The following NAPEPLD variants were observed in gnomAD, a reference collection of about 807,000 sequenced individuals.
NAPEPLD encodes N-acyl phosphatidylethanolamine phospholipase D, also known as N-acyl-phosphatidylethanolamine-hydrolyzing phospholipase D.
Under a neutral mutation model 38.1 loss-of-function variants are expected in NAPEPLD, and 23 were observed. The observed-to-expected ratio is 0.60, with a 90% confidence interval of 0.43 to 0.86. NAPEPLD has a LOEUF of 0.86. Ranked by LOEUF, NAPEPLD falls within the 40% of genes least tolerant of loss-of-function variation. The pLI is 0.00. For missense variants in NAPEPLD, 411 were observed against 476.8 expected (o/e 0.86, Z 1.28); for synonymous variants, 147 against 162.0 (o/e 0.91, Z 0.71).
At position 103,120,191 on chromosome 7, in the gene NAPEPLD, T is replaced by C. The variant is rs557330613; in HGVS notation, c.327A>G (p.Pro109=). The change falls in exon 3 of 5, where the codon CCA becomes CCG. Residue 109 remains proline, a synonymous_variant. Transcript: ENST00000465647. ...ELDKELPVLK[P]YFITNPEEAG... is the part of the protein sequence containing the mutation. Reference sequence around the variant, plus strand: ...CTTCTTCAGGGTTAGTGATAAAATATGGCTTAAGCACTGGGAGTTCTTTGT... The same window carrying C: ...CTTCTTCAGGGTTAGTGATAAAATACGGCTTAAGCACTGGGAGTTCTTTGT... The C allele has an allele frequency of 2.5e-6, 4 of 1,614,080 alleles. No homozygotes were observed. Among genetic ancestry groups the C allele is most frequent in the East Asian group, 2.2e-5 (1 of 44,890 alleles).
chr7:103,135,868 C>T (rs1307876976), intron 1 of NAPEPLD, among the ~76,000 whole-genome samples: 1 of 152,080 alleles, frequency 6.6e-6, no homozygotes, highest in Non-Finnish European at 1.5e-5. Context: ...CAGGGAGTAA[C>T]TCAGCCTCTC....
intron 1 of NAPEPLD, among the ~76,000 whole-genome samples, chr7:103,143,745 A>C (rs1306890191): frequency 6.6e-6 from 1 of 152,202 alleles, no homozygotes; most frequent in African/African-American, 2.4e-5. Context: ...TATTTGAGCA[A>C]TCTTTCAAAT....
At chr7:103,134,406 T>G (rs923896943) in intron 1 of NAPEPLD, among the ~76,000 whole-genome samples, 2 of 152,122 alleles carry the variant, frequency 1.3e-5, no homozygotes, top group African/African-American at 4.8e-5. Context: ...TCCCAGCACT[T>G]TGGCAGGCCG....
intron 1 of NAPEPLD, among the ~76,000 whole-genome samples, chr7:103,140,052 A>T (rs565893736): frequency 6.6e-6 from 1 of 152,372 alleles, no homozygotes; most frequent in South Asian, 2.1e-4. Context: ...CATTACCAGA[A>T]GATGGGGCAA....
At chr7:103,149,889 T>C (rs1813356735), upstream of NAPEPLD, among the ~76,000 whole-genome samples, 1 of 152,154 alleles carries the variant, frequency 6.6e-6, no homozygotes, top group Non-Finnish European at 1.5e-5. Context: ...GGCGCTAGGA[T>C]CCTGGTAGCG....
intron 1 of NAPEPLD, among the ~76,000 whole-genome samples, chr7:103,133,838 A>C (rs1041032661): frequency 6.6e-6 from 1 of 152,274 alleles, no homozygotes; most frequent in Non-Finnish European, 1.5e-5. Context: ...ATGAATACAC[A>C]AAAACTGTAA....
In NAPEPLD at chr7:103,119,715, C is replaced by T. The variant is rs1465291116; in HGVS notation, c.803G>A (p.Gly268Asp). 1.9e-6 allele frequency: 3 copies of T among 1,614,152 alleles called. No individual in the cohort carries two copies. The highest frequency in any genetic ancestry group is 2.5e-6 in the Non-Finnish European group (3 of 1,180,020). The change falls in exon 3 of 5, where the codon GGC becomes GAC. Residue 268 changes from glycine (G) to aspartate (D), a missense_variant. Transcript: ENST00000465647. ...TLMDDNKVLWGSWSVLGPWNR... is the reference protein window; with the variant it reads ...TLMDDNKVLWDSWSVLGPWNR... ...CCAAGGCCCCAAGACAGACCAGCTG[C>T]CCCATAGCACCTTGTTGTCATCCAT...
At chr7:103,136,391 G>C (rs561772782) in intron 1 of NAPEPLD, among the ~76,000 whole-genome samples, 2 of 144,760 alleles carry the variant, frequency 1.4e-5, no homozygotes, top group African/African-American at 5.0e-5. Context: ...GGCTAACATG[G>C]CAAAACCCTG....
chr7:103,131,906 G>T (rs1809023813), intron 1 of NAPEPLD, among the ~76,000 whole-genome samples: 1 of 152,148 alleles, frequency 6.6e-6, no homozygotes, highest in Admixed American at 6.5e-5. Flanking sequence ...ACGAGGTCAG[G>T]AGTTCGAGAC....
At position 103,138,736 on chromosome 7, in the gene NAPEPLD, C is replaced by T. The variant is rs182117058; in HGVS notation, c.-16-9944G>A. Among the ~76,000 whole-genome samples, 27 of 152,346 alleles carry T rather than the reference C, an allele frequency of 1.8e-4. No individual in the cohort carries two copies. In the East Asian group the frequency reaches 5.0e-3, roughly 28 times the overall value. ...CCACCCGCCTCGGCCTCCCAAAGTG[C>T]TGGGATTACAGGCGTGAGCCACCAC... is the stretch of plus-strand genomic sequence containing the variant. On this transcript the variant is annotated intron_variant, in intron 1 of 4. Transcript: ENST00000465647.
At chr7:103,109,145 C>G (rs746972313) in intron 4 of NAPEPLD, among the ~76,000 whole-genome samples, 1 of 152,128 alleles carries the variant, frequency 6.6e-6, no homozygotes, top group Non-Finnish European at 1.5e-5. Context: ...TAGTGGAAGA[C>G]TTTAACACCA....
At chr7:103,126,988 T>G (rs116317279) in intron 2 of NAPEPLD, 29 of 152,136 alleles carry the variant, frequency 1.9e-4, no homozygotes, top group African/African-American at 6.5e-4. Flanking sequence ...AGAGAATTGA[T>G]CCAGGAGGTC....
At chr7:103,129,146 T>C (rs996873015) in intron 1 of NAPEPLD, 2 of 209,574 alleles carry the variant, frequency 9.5e-6, no homozygotes, top group Non-Finnish European at 1.7e-5. Context: ...ATGCCTGTAA[T>C]GCCAGCTACT....
Position 103,119,812 on chromosome 7 carries a change from TCTC to T in NAPEPLD, c.703_705del (p.Glu235del), listed in dbSNP as rs1158910264. 1.2e-6 allele frequency: 2 copies of T among 1,614,042 alleles called. No individual in the cohort carries two copies. Among genetic ancestry groups the T allele is most frequent in the South Asian group, 2.2e-5 (2 of 91,076 alleles). ...ACCTTATCATGTCCGGGGACACAATTCTCCTCCCACCAGTCCAACTCAATCACA... is the reference window on the plus strand; with the variant it reads ...ACCTTATCATGTCCGGGGACACAATTCTCCCACCAGTCCAACTCAATCACA... On this transcript the variant is annotated inframe_deletion, in exon 3 of 5. Transcript: ENST00000465647.
rs1028944720 is a variant in NAPEPLD at position 103,102,362 on chromosome 7, G to A, written c.*1067C>T. On this transcript the variant is annotated 3_prime_UTR_variant, in exon 5 of 5. Coordinates refer to ENST00000465647, the MANE Select transcript of NAPEPLD (RefSeq NM_001122838.3). ...GGAGAGGGCTTTCTTTTGAGACAGG[G>A]TCTCATTTTGTCGCCCAGGCTGGAG... The A allele has an allele frequency of 6.6e-6, 1 of 152,118 alleles. No homozygotes were observed. Among genetic ancestry groups the A allele is most frequent in the Non-Finnish European group, 1.5e-5 (1 of 68,052 alleles). 9.4% of individuals were successfully genotyped at this position (152,118 alleles called of 1,614,324 possible).
At position 103,142,089 on chromosome 7, in the gene NAPEPLD, G is replaced by A. The variant is rs1353985219; in HGVS notation, c.-17+6722C>T. On this transcript the variant is annotated intron_variant, in intron 1 of 4. Coordinates refer to ENST00000465647, the MANE Select transcript of NAPEPLD (RefSeq NM_001122838.3). ...GTGTTTCTGATATACAGGCAGGGTT[G>A]AGAACCACTGCTTTAAATCATTAGT... is the stretch of plus-strand genomic sequence containing the variant. 1.6e-5 allele frequency: 9 copies of A among 576,414 alleles called. No homozygotes were observed. In the East Asian group the frequency reaches 2.5e-4, roughly 16 times the overall value. 35.7% of individuals were successfully genotyped at this position (576,414 alleles called of 1,614,324 possible). A position where few individuals can be genotyped will look rare whatever the true frequency, so the allele number is the denominator to read the frequency against.
chr7:103,103,630 C>T (rs1479276680), intron 4 of NAPEPLD, 76 bp from the exon 5 acceptor site: 24 of 1,458,852 alleles, frequency 1.6e-5, no homozygotes, highest in Non-Finnish European at 2.1e-5. Flanking sequence ...ACAGTTCAAA[C>T]TAAAATAACC....
At chr7:103,141,788 ATGATCAGCCCATCTT>A in intron 1 of NAPEPLD, 1 of 872,856 alleles carries the variant, frequency 1.1e-6, no homozygotes, top group Non-Finnish European at 2.0e-6. Context: ...AGGCTTGCGG[ATGATCAGCCCATCTT>A]TGATCAGCTT....
At chr7:103,148,023 T>G (rs1488075620) in intron 1 of NAPEPLD, 4 of 984,464 alleles carry the variant, frequency 4.1e-6, no homozygotes, top group Non-Finnish European at 4.8e-6. Flanking sequence ...TATTGTGGGA[T>G]ATAGGTAATC....
Sources: gnomAD v4.1 joint callset for allele counts (sites outside exome capture counted in the v4.1 genomes callset) on GRCh38, gnomAD v4.1.1 for gene constraint, MANE v1.5 for transcripts, NCBI Gene and HGNC (gene_info 2026-07-23, HGNC 2026-07-21) for gene names.